SAMD12: variants seen among roughly 807,000 people sequenced by gnomAD.
SAMD12 encodes the protein sterile alpha motif domain containing 12.
SAMD12 carries 9 observed loss-of-function variants against 15.0 expected under a neutral mutation model. The observed-to-expected ratio is 0.60, with a 90% CI of 0.36 to 1.05. The LOEUF (loss-of-function observed/expected upper bound fraction) is 1.05, where lower values mean the gene tolerates loss of function less well. SAMD12 is among the 50% of genes least tolerant of loss of function. SAMD12 has a pLI of 0.01. For synonymous variants in SAMD12, 86 were observed against 90.1 expected, an observed-to-expected ratio of 0.96 and a Z score of 0.25; for missense variants, 230 against 234.2, an observed-to-expected ratio of 0.98 and a Z score of 0.12.
chr8:118,533,486 G>A (rs1365744976), intron 2 of SAMD12, among the ~76,000 whole-genome samples: 1 of 152,098 alleles, frequency 6.6e-6, no homozygotes, highest in East Asian at 1.9e-4. Context: ...TTCAGTTCCT[G>A]GACATCCTTA....
At chr8:118,153,092 A>G in the SAMD12 span, among the ~76,000 whole-genome samples, 1 of 152,164 alleles carries the variant, frequency 6.6e-6, no homozygotes, top group Non-Finnish European at 1.5e-5. Context: ...CATATTTTTC[A>G]CTTGGTGTCT....
the SAMD12 span, among the ~76,000 whole-genome samples, chr8:118,173,433 T>C: frequency 2.6e-5 from 4 of 152,196 alleles, no homozygotes; most frequent in Admixed American, 2.6e-4. Context: ...CTCCATCTTA[T>C]TGACAAAGCA....
intron 4 of SAMD12, among the ~76,000 whole-genome samples, chr8:118,244,091 T>C (rs1270503536): frequency 6.6e-6 from 1 of 152,140 alleles, no homozygotes; most frequent in Non-Finnish European, 1.5e-5. Flanking sequence ...ATCCATCTTA[T>C]ACAGGTCTTC....
At chr8:118,459,409 T>A (rs1240831323) in intron 2 of SAMD12, among the ~76,000 whole-genome samples, 1 of 152,194 alleles carries the variant, frequency 6.6e-6, no homozygotes, top group Non-Finnish European at 1.5e-5. Flanking sequence ...TTGCAGTTCC[T>A]ATTTGCAATG....
intron 4 of SAMD12, among the ~76,000 whole-genome samples, chr8:118,268,333 CT>C (rs1813257737): frequency 6.6e-6 from 1 of 152,158 alleles, no homozygotes; most frequent in Non-Finnish European, 1.5e-5. Context: ...CTCTTCAGCA[CT>C]GACTATTTAA....
chr8:118,367,323 A>T (rs1346517741), intron 4 of SAMD12, among the ~76,000 whole-genome samples: 8 of 152,238 alleles, frequency 5.3e-5, no homozygotes. Flanking sequence ...TATCCAGTCC[A>T]CATGTCAATG....
chr8:118,522,329 G>C (rs1310932818), intron 2 of SAMD12, among the ~76,000 whole-genome samples: 4 of 152,122 alleles, frequency 2.6e-5, no homozygotes, highest in Admixed American at 2.0e-4. Context: ...GAATGGCTTT[G>C]TGGGCAGGGG....
At chr8:118,586,911 A>G (rs1397426723) in intron 1 of SAMD12, among the ~76,000 whole-genome samples, 3 of 152,232 alleles carry the variant, frequency 2.0e-5, no homozygotes, top group Non-Finnish European at 2.9e-5. Context: ...TATTTTTCAA[A>G]AAAGCAAATA....
intron 3 of SAMD12, among the ~76,000 whole-genome samples, chr8:118,395,932 C>CAA (rs34761474): frequency 0.011 from 1,374 of 129,222 alleles, 24 homozygotes; most frequent in African/African-American, 0.036. Context: ...GACTCCATCT[C>CAA]AAAAAAAAAA....
chr8:118,369,857 A>C (rs931742228), intron 4 of SAMD12, among the ~76,000 whole-genome samples: 3 of 152,216 alleles, frequency 2.0e-5, no homozygotes, highest in African/African-American at 7.2e-5. Context: ...GGACATAGGC[A>C]TGGGCAAAGA....
chr8:118,616,847 A>G (rs2514596), intron 1 of SAMD12, among the ~76,000 whole-genome samples: 137,593 of 152,252 alleles, frequency 0.9, 62,255 homozygotes, highest in Middle Eastern at 0.97. Context: ...TCAGATCAAC[A>G]GAGGCATTAG....
At chr8:118,221,371 C>T (rs960993256) in intron 4 of SAMD12, among the ~76,000 whole-genome samples, 1 of 152,090 alleles carries the variant, frequency 6.6e-6, no homozygotes, top group Admixed American at 6.6e-5. Flanking sequence ...TGGGAGGGGT[C>T]ATTTCAGCTC....
At chr8:118,590,568 A>G (rs1480235063) in intron 1 of SAMD12, among the ~76,000 whole-genome samples, 1 of 152,232 alleles carries the variant, frequency 6.6e-6, no homozygotes, top group African/African-American at 2.4e-5. Context: ...TCAGGTATCA[A>G]CTGAGATTGA....
At chr8:118,244,359 T>C (rs1478444525) in intron 4 of SAMD12, among the ~76,000 whole-genome samples, 2 of 152,126 alleles carry the variant, frequency 1.3e-5, no homozygotes, top group African/African-American at 4.8e-5. Context: ...CTAGTCTTAG[T>C]GGGTGGCTAA....
At chr8:118,162,691 CT>C in the SAMD12 span, among the ~76,000 whole-genome samples, 1 of 152,084 alleles carries the variant, frequency 6.6e-6, no homozygotes, top group East Asian at 1.9e-4. Context: ...AACAGATGAG[CT>C]TGCTAAAGGG....
intron 3 of SAMD12, among the ~76,000 whole-genome samples, chr8:118,426,949 A>G (rs1267433694): frequency 6.6e-6 from 1 of 152,210 alleles, no homozygotes; most frequent in Non-Finnish European, 1.5e-5. Context: ...TAACTTGTCT[A>G]TGAAATCCAA....
At chr8:118,401,533 T>C (rs972433021) in intron 3 of SAMD12, among the ~76,000 whole-genome samples, 3 of 128,560 alleles carry the variant, frequency 2.3e-5, no homozygotes, top group Non-Finnish European at 3.3e-5. Flanking sequence ...ACAGACTCCC[T>C]TCTTCTTCTT....
chr8:118,278,016 A>C (rs1813513712), intron 4 of SAMD12, among the ~76,000 whole-genome samples: 1 of 152,240 alleles, frequency 6.6e-6, no homozygotes, highest in Admixed American at 6.5e-5. Context: ...CATGGTAGCA[A>C]ACTCCAGAAA....
intron 2 of SAMD12, among the ~76,000 whole-genome samples, chr8:118,574,588 A>G (rs1276045199): frequency 6.6e-6 from 1 of 152,202 alleles, no homozygotes. Context: ...AATATATCAT[A>G]TTAATTGTCA....
Sources: allele counts gnomAD v4.1 joint callset (sites outside exome capture counted in the v4.1 genomes callset), GRCh38; gene constraint gnomAD v4.1.1; transcripts MANE v1.5; gene names NCBI Gene and HGNC (gene_info 2026-07-23, HGNC 2026-07-21).